ABCA13: variants seen among roughly 807,000 people sequenced by gnomAD.
ABCA13 encodes ATP-binding cassette sub-family A member 13.
In ABCA13, 476 loss-of-function variants were observed where a neutral mutation model predicts 478.7. The observed-to-expected ratio is 0.99, with a 90% CI of 0.92 to 1.07. The LOEUF (loss-of-function observed/expected upper bound fraction) is 1.07, where lower values mean the gene tolerates loss of function less well. Ranked by LOEUF, ABCA13 falls within the 50% of genes least tolerant of loss-of-function variation. The pLI, the probability that ABCA13 is intolerant of heterozygous loss-of-function variation, is 0.00. For synonymous variants in ABCA13, 2,252 were observed against 2,158.9 expected (o/e 1.04, Z -1.20); for missense variants, 6,060 against 5,910.6 (o/e 1.03, Z -0.83).
intron 45 of ABCA13, among the ~76,000 whole-genome samples, chr7:48,472,854 G>C (rs1027375506): frequency 2.6e-5 from 4 of 152,114 alleles, no homozygotes; most frequent in Non-Finnish European, 5.9e-5. Flanking sequence ...TCCTCCTACT[G>C]TGCATGCATT....
intron 55 of ABCA13, among the ~76,000 whole-genome samples, chr7:48,541,546 A>G (rs1563413628): frequency 1.3e-5 from 2 of 152,084 alleles, no homozygotes; most frequent in Non-Finnish European, 2.9e-5. Context: ...CAGAAAAATT[A>G]AGTGGCTTGC....
chr7:48,588,180 T>C (rs1789377940), intron 57 of ABCA13, among the ~76,000 whole-genome samples: 1 of 152,240 alleles, frequency 6.6e-6, no homozygotes. Flanking sequence ...CACCTGAATA[T>C]TCTTTTTAGG....
At position 48,278,229 on chromosome 7, in the gene ABCA13, A is replaced by G. The variant is rs1796561979; in HGVS notation, c.7035A>G (p.Ile2345Met). The change falls in exon 18 of 62, where the codon ATA (isoleucine) becomes ATG (methionine). Residue 2345 changes from isoleucine (I) to methionine (M), a missense_variant. By Grantham distance (10) the Ile-to-Met change is conservative (BLOSUM62 1). Transcript: ENST00000435803. ...TIYHLMKSSF[I>M]LDNGEFYFDT... is the part of the protein sequence containing the mutation. ...ATCACCTAATGAAAAGTTCATTTAT[A>G]TTAGACAATGGAGAATTTTATTTTG... 1.2e-6 allele frequency: 2 copies of G among 1,608,800 alleles called. No individual in the cohort carries two copies. Among genetic ancestry groups the G allele is most frequent in the Admixed American group, 1.7e-5 (1 of 59,522 alleles).
intron 42 of ABCA13, among the ~76,000 whole-genome samples, chr7:48,446,045 G>A (rs1468035071): frequency 6.6e-6 from 1 of 152,142 alleles, no homozygotes; most frequent in Non-Finnish European, 1.5e-5. Flanking sequence ...GCCAACTGAT[G>A]TGGTCCCACT....
chr7:48,538,830 G>A (rs958859450), intron 55 of ABCA13, among the ~76,000 whole-genome samples: 3 of 151,940 alleles, frequency 2.0e-5, no homozygotes, highest in African/African-American at 4.8e-5. Context: ...TACTTGATAG[G>A]GCCTTTAAGT....
intron 29 of ABCA13, among the ~76,000 whole-genome samples, chr7:48,343,089 A>G (rs73697143): frequency 0.02 from 3,023 of 148,702 alleles, 99 homozygotes; most frequent in African/African-American, 0.07. Flanking sequence ...TTTTTAGTCT[A>G]TTTTTCTCTT....
intron 3 of ABCA13, among the ~76,000 whole-genome samples, chr7:48,211,997 C>G (rs1785731280): frequency 6.6e-6 from 1 of 152,022 alleles, no homozygotes; most frequent in African/African-American, 2.4e-5. Flanking sequence ...CCTTCAAAAC[C>G]AGCAGAACAC....
At chr7:48,463,835 A>G (rs1585434476) in intron 43 of ABCA13, among the ~76,000 whole-genome samples, 3 of 152,150 alleles carry the variant, frequency 2.0e-5, no homozygotes, top group East Asian at 3.9e-4. Flanking sequence ...ACGGAACGGA[A>G]CGGAAAGGAA....
Position 48,468,369 on chromosome 7 carries a change from C to A in ABCA13, c.12905+1324C>A, listed in dbSNP as rs1484973587. On this transcript the variant is annotated intron_variant, in intron 44 of 61. Coordinates refer to ENST00000435803, the MANE Select transcript of ABCA13 (RefSeq NM_152701.5). ...TAGCTTTTCTCCTCTGTCCGTTCTTCTTCTACCTTCCTGGATTTATGTTTT... is the reference window on the plus strand; with the variant it reads ...TAGCTTTTCTCCTCTGTCCGTTCTTATTCTACCTTCCTGGATTTATGTTTT... Among the ~76,000 whole-genome samples, 3 of 152,202 alleles carry A rather than the reference C, an allele frequency of 2.0e-5. 1 individual carries two copies. Among genetic ancestry groups the A allele is most frequent in the Non-Finnish European group, 4.4e-5 (3 of 68,032 alleles).
At chr7:48,552,357 A>G (rs936995204) in intron 55 of ABCA13, among the ~76,000 whole-genome samples, 1 of 151,732 alleles carries the variant, frequency 6.6e-6, no homozygotes, top group Non-Finnish European at 1.5e-5. Flanking sequence ...TTATTTTTAG[A>G]GGATGTTGTT....
Position 48,275,264 on chromosome 7 carries a change from C to T in ABCA13, c.5598C>T (p.Pro1866=). Residue 1866 remains proline, a synonymous_variant, in exon 17 of 62, where the codon CCC becomes CCT. Transcript: ENST00000435803. ...ASILDHFHLS[P]QGEDSPCSNE... is the part of the protein sequence containing the mutation. ...TACTTGATCATTTCCACCTGTCTCC[C>T]CAAGGTGAAGATTCACCATGTTCAA... The T allele has an allele frequency of 1.9e-6, 3 of 1,613,810 alleles. No homozygotes were observed. Among genetic ancestry groups the T allele is most frequent in the Non-Finnish European group, 2.5e-6 (3 of 1,179,844 alleles).
chr7:48,508,199 A>C, intron 50 of ABCA13, 150 bp downstream of exon 50: 1 of 948,830 alleles, frequency 1.1e-6, no homozygotes, highest in East Asian at 2.6e-5. Context: ...TTTCAGATTA[A>C]GTCACCTTTA....
chr7:48,247,545 G>C (rs1791887081), intron 13 of ABCA13, among the ~76,000 whole-genome samples: 1 of 152,074 alleles, frequency 6.6e-6, no homozygotes, highest in Admixed American at 6.6e-5. Flanking sequence ...TCGCTCTTCT[G>C]ACTCTGGGTT....
rs199920535 is a variant in ABCA13 at position 48,587,292 on chromosome 7, A to G, written c.14640+4A>G. The stretch of plus-strand genomic sequence containing the variant: ...GAAACCTGACATTCTTTTATTGGTG[A>G]GTAGAAGAATGTCAATATCTTGGAG... On this transcript the variant is annotated splice_donor_region_variant and intron_variant, in intron 57 of 61. Coordinates refer to ENST00000435803, the MANE Select transcript of ABCA13 (RefSeq NM_152701.5). The G allele has an allele frequency of 2.5e-6, 4 of 1,599,006 alleles. No homozygotes were observed. Among genetic ancestry groups the G allele is most frequent in the African/African-American group, 1.3e-5 (1 of 74,794 alleles).
intron 58 of ABCA13, among the ~76,000 whole-genome samples, chr7:48,606,739 A>G (rs1254861102): frequency 6.6e-6 from 1 of 152,176 alleles, no homozygotes; most frequent in Admixed American, 6.5e-5. Flanking sequence ...GAGCTCGAAC[A>G]CTGTGCTGGG....
At chr7:48,420,680 T>C (rs996633498) in intron 41 of ABCA13, among the ~76,000 whole-genome samples, 4 of 151,764 alleles carry the variant, frequency 2.6e-5, no homozygotes, top group African/African-American at 9.7e-5. Flanking sequence ...AGCTGCCCCA[T>C]CCTACACAGC....
chr7:48,413,186 A>T (rs1244719206), intron 41 of ABCA13, among the ~76,000 whole-genome samples: 3 of 152,102 alleles, frequency 2.0e-5, no homozygotes, highest in African/African-American at 7.2e-5. Flanking sequence ...AGTTGTCAGT[A>T]GTGGTTGATT....
At position 48,455,184 on chromosome 7, in the gene ABCA13, C is replaced by T; in HGVS notation, c.12713C>T (p.Ala4238Val). 1 of 1,590,272 alleles carries T rather than the reference C, an allele frequency of 6.3e-7. No individual in the cohort carries two copies. Among genetic ancestry groups the T allele is most frequent in the South Asian group, 1.1e-5 (1 of 87,288 alleles). ...CTGCTGCTGCCAGTCCTCTTCGTGGCCTTGGCCATGGGCTTGTTCATGGTG... is the reference window on the plus strand; with the variant it reads ...CTGCTGCTGCCAGTCCTCTTCGTGGTCTTGGCCATGGGCTTGTTCATGGTG... ...ADLLLPVLFV[A>V]LAMGLFMVRP... The change falls in exon 43 of 62, where the codon GCC becomes GTC. Residue 4238 changes from alanine to valine, a missense_variant. Around this residue, in one of 3 missense-constraint regions of ABCA13, gnomAD observed 1,627 missense variants for 1,571.0 expected, o/e 1.04. Coordinates refer to ENST00000435803, the MANE Select transcript of ABCA13 (RefSeq NM_152701.5).
chr7:48,542,899 A>T (rs12670340), intron 55 of ABCA13, among the ~76,000 whole-genome samples: 21,272 of 151,674 alleles, frequency 0.14, 2,065 homozygotes, highest in African/African-American at 0.23. Flanking sequence ...TAATGGCTAA[A>T]TGACTTAAGA....
Sources: allele counts gnomAD v4.1 joint callset (sites outside exome capture counted in the v4.1 genomes callset), GRCh38; gene constraint gnomAD v4.1.1; regional missense constraint gnomAD v4.1.1; transcripts MANE v1.5; gene names NCBI Gene and HGNC (gene_info 2026-07-23, HGNC 2026-07-21).